Variants in PTPRD observed in about 807,000 individuals in gnomAD.
The protein encoded by PTPRD is receptor-type tyrosine-protein phosphatase delta.
Under a neutral mutation model 214.5 loss-of-function variants are expected in PTPRD, and 34 were observed. That is an observed-to-expected ratio of 0.16 (90% confidence interval 0.12 to 0.21). The LOEUF (loss-of-function observed/expected upper bound fraction) is 0.21. Among genes scored for constraint, PTPRD ranks in the 10% least tolerant of loss-of-function variants. PTPRD has a pLI of 1.00. For synonymous variants in PTPRD, 1,128 were observed against 845.7 expected, an observed-to-expected ratio of 1.33 and a Z score of -5.79; for missense variants, 2,545 against 2,398.7, an observed-to-expected ratio of 1.06 and a Z score of -1.27.
chr9:9,793,677 T>G (rs548195964), intron 5 of PTPRD, among the ~76,000 whole-genome samples: 62 of 152,166 alleles, frequency 4.1e-4, no homozygotes, highest in African/African-American at 1.2e-3. Flanking sequence ...TTCAAAGGTT[T>G]CAAATTCAGC....
chr9:8,405,249 G>A (rs1490083672), intron 35 of PTPRD, among the ~76,000 whole-genome samples: 1 of 152,116 alleles, frequency 6.6e-6, no homozygotes, highest in Non-Finnish European at 1.5e-5. Flanking sequence ...GTAAAGAAGG[G>A]AGGTCAGTTA....
intron 7 of PTPRD, among the ~76,000 whole-genome samples, chr9:9,698,882 G>C (rs937860040): frequency 6.6e-6 from 1 of 152,158 alleles, no homozygotes; most frequent in African/African-American, 2.4e-5. Flanking sequence ...CTAGCATGGA[G>C]TTTTTACTTC....
At chr9:9,995,121 A>C (rs2096075355) in intron 4 of PTPRD, among the ~76,000 whole-genome samples, 1 of 152,144 alleles carries the variant, frequency 6.6e-6, no homozygotes, top group South Asian at 2.1e-4. Context: ...AGGGAAAAAT[A>C]TTATTCTGGC....
intron 8 of PTPRD, among the ~76,000 whole-genome samples, chr9:9,515,568 G>T (rs1057106039): frequency 3.9e-5 from 6 of 151,930 alleles, no homozygotes; most frequent in African/African-American, 1.4e-4. Context: ...TTTTCTCGAG[G>T]TGGTTGCAAA....
chr9:9,877,059 T>A (rs1315522132), intron 5 of PTPRD, among the ~76,000 whole-genome samples: 2 of 152,152 alleles, frequency 1.3e-5, no homozygotes, highest in East Asian at 3.9e-4. Flanking sequence ...GATGCCTGAA[T>A]GCTACAGAAT....
intron 5 of PTPRD, among the ~76,000 whole-genome samples, chr9:9,822,417 A>G (rs1451010788): frequency 3.4e-5 from 5 of 148,250 alleles, no homozygotes; most frequent in Non-Finnish European, 7.4e-5. Flanking sequence ...CTCAAAAAAT[A>G]TATAATATAT....
chr9:10,122,543 G>A (rs1000365372), intron 3 of PTPRD, among the ~76,000 whole-genome samples: 3 of 152,048 alleles, frequency 2.0e-5, no homozygotes, highest in Non-Finnish European at 4.4e-5. Flanking sequence ...CATCCTTTTG[G>A]TTGATATCAT....
chr9:8,639,206 T>C (rs1289054384), intron 12 of PTPRD, among the ~76,000 whole-genome samples: 1 of 152,262 alleles, frequency 6.6e-6, no homozygotes, highest in Non-Finnish European at 1.5e-5. Flanking sequence ...ATGTCACTTT[T>C]CTGGAAACAA....
intron 7 of PTPRD, among the ~76,000 whole-genome samples, chr9:9,653,347 TCAAAAAAAAAAAAAAAA>T (rs2096419395): frequency 7.3e-5 from 1 of 13,782 alleles, no homozygotes; most frequent in African/African-American, 3.7e-4. Context: ...AGACTCCGTC[TCAAAAAAAAAAAAAAAA>T]AAAAAAAAAA....
intron 8 of PTPRD, among the ~76,000 whole-genome samples, chr9:9,450,120 CTGTG>C (rs368924483): frequency 6.9e-5 from 10 of 145,010 alleles, no homozygotes; most frequent in African/African-American, 1.0e-4. Flanking sequence ...GTGTGTGTGT[CTGTG>C]TGTGTGTGTG....
intron 8 of PTPRD, among the ~76,000 whole-genome samples, chr9:9,481,514 G>C (rs2095414543): frequency 6.6e-6 from 1 of 151,876 alleles, no homozygotes; most frequent in Non-Finnish European, 1.5e-5. Context: ...ACATTTAGAG[G>C]TCTACAAAAT....
intron 8 of PTPRD, among the ~76,000 whole-genome samples, chr9:9,483,234 T>C (rs971300123): frequency 2.0e-5 from 3 of 152,158 alleles, no homozygotes; most frequent in South Asian, 2.1e-4. Flanking sequence ...AATATGATGA[T>C]CACAGGTGCA....
At chr9:9,388,129 A>G (rs7031165) in intron 9 of PTPRD, among the ~76,000 whole-genome samples, 8,167 of 152,112 alleles carry the variant, frequency 0.054, 711 homozygotes, top group African/African-American at 0.18. Context: ...CAGAAGGGAA[A>G]CTGGTTTTCC....
At chr9:10,082,842 C>CAA (rs1438674800) in intron 3 of PTPRD, among the ~76,000 whole-genome samples, 29 of 117,680 alleles carry the variant, frequency 2.5e-4, no homozygotes, top group African/African-American at 9.3e-4. Context: ...CACACACAAA[C>CAA]ACACACACAC....
intron 10 of PTPRD, among the ~76,000 whole-genome samples, chr9:9,030,576 T>C (rs985056869): frequency 6.6e-6 from 1 of 151,894 alleles, no homozygotes; most frequent in African/African-American, 2.4e-5. Flanking sequence ...ACAGAGCCAA[T>C]AGAGAAAGAT....
At chr9:8,689,387 C>T (rs1039930970) in intron 12 of PTPRD, among the ~76,000 whole-genome samples, 1 of 152,146 alleles carries the variant, frequency 6.6e-6, no homozygotes, top group African/African-American at 2.4e-5. Flanking sequence ...TGTTTTTACA[C>T]TGCTGATGAA....
rs59006903 is a variant in PTPRD, at chr9:9,656,746, C to G, written c.-287+77787G>C. On this transcript the variant is annotated intron_variant, in intron 7 of 45. Transcript: ENST00000381196. ...ATAGAAGATGCAGCAAGAGTGAATCCTAATGTGAACTATGAACTCTGAGTG... is the reference window on the plus strand; with the variant it reads ...ATAGAAGATGCAGCAAGAGTGAATCGTAATGTGAACTATGAACTCTGAGTG... Among the ~76,000 whole-genome samples, 367 of 152,034 alleles carry G rather than the reference C, an allele frequency of 2.4e-3. 1 individual carries two copies. Among genetic ancestry groups the G allele is most frequent in the African/African-American group, 8.4e-3 (349 of 41,498 alleles).
intron 5 of PTPRD, among the ~76,000 whole-genome samples, chr9:9,858,213 C>T (rs766554297): frequency 6.6e-6 from 1 of 152,162 alleles, no homozygotes; most frequent in African/African-American, 2.4e-5. Context: ...TCATGATGCT[C>T]TGGAAGCCCT....
intron 39 of PTPRD, among the ~76,000 whole-genome samples, chr9:8,366,238 G>C (rs990916204): frequency 1.3e-5 from 2 of 152,102 alleles, no homozygotes; most frequent in South Asian, 2.1e-4. Context: ...CATTGGAATG[G>C]AAGAGCCACA....
Sources: allele counts gnomAD v4.1 joint callset (sites outside exome capture counted in the v4.1 genomes callset), GRCh38; gene constraint gnomAD v4.1.1; transcripts MANE v1.5; gene names NCBI Gene and HGNC (gene_info 2026-07-23, HGNC 2026-07-21).